The following SLC4A4 variants were observed in gnomAD, a reference collection of about 807,000 sequenced individuals.
SLC4A4 encodes the protein electrogenic sodium bicarbonate cotransporter 1.
In SLC4A4, 27 loss-of-function variants were observed where a neutral mutation model predicts 111.5. That is an observed-to-expected ratio of 0.24 (90% CI 0.18 to 0.33). The LOEUF (loss-of-function observed/expected upper bound fraction) is 0.33. Among genes scored for constraint, SLC4A4 ranks in the 10% least tolerant of loss-of-function variants. The probability of loss-of-function intolerance (pLI) is 1.00; values close to 1 mark genes in which losing one functional copy is unlikely to be tolerated. For missense variants in SLC4A4, 909 were observed against 1,315.5 expected (o/e 0.69, Z 4.78); for synonymous variants, 443 against 463.4 (o/e 0.96, Z 0.57).
intron 16 of SLC4A4, among the ~76,000 whole-genome samples, chr4:71,527,661 T>C (rs1033964207): frequency 6.6e-6 from 1 of 151,736 alleles, no homozygotes; most frequent in Non-Finnish European, 1.5e-5. Flanking sequence ...AGATTGAATT[T>C]ACTTGCCACC....
chr4:71,107,852 C>CA (rs1742984502), intron 2 of SLC4A4, among the ~76,000 whole-genome samples: 2 of 119,502 alleles, frequency 1.7e-5, no homozygotes, highest in African/African-American at 5.6e-5. Context: ...GGACTACAGG[C>CA]AAACACCACC....
intron 13 of SLC4A4, 25 bp downstream of exon 13, chr4:71,466,602 A>G: frequency 1.9e-6 from 3 of 1,608,630 alleles, no homozygotes; most frequent in Non-Finnish European, 2.6e-6. Context: ...ATTTAATTGC[A>G]AATTAGAATT....
At chr4:71,498,088 A>G (rs1006232907) in intron 16 of SLC4A4, among the ~76,000 whole-genome samples, 2 of 152,188 alleles carry the variant, frequency 1.3e-5, no homozygotes, top group African/African-American at 4.8e-5. Flanking sequence ...GCAGCTGTAC[A>G]TTTGAGTATT....
At chr4:71,409,733 C>A (rs1364119294) in intron 7 of SLC4A4, among the ~76,000 whole-genome samples, 1 of 152,196 alleles carries the variant, frequency 6.6e-6, no homozygotes, top group Non-Finnish European at 1.5e-5. Context: ...TGTTATTCCC[C>A]AAGACCATGG....
In SLC4A4 at chr4:71,177,086, T is replaced by G. The variant is rs190534630; in HGVS notation, c.-1-59490T>G. ...ACATATCCAGCCAAACTAAGCTTCATAATTGAAGGAGAAATAAAATCCTTT... is the reference window on the plus strand; with the variant it reads ...ACATATCCAGCCAAACTAAGCTTCAGAATTGAAGGAGAAATAAAATCCTTT... On this transcript the variant is annotated intron_variant, in intron 2 of 26. Coordinates refer to the SLC4A4 transcript ENST00000649996. Among the ~76,000 whole-genome samples, 5 of 152,192 alleles carry G rather than the reference T, an allele frequency of 3.3e-5. No homozygotes were observed. In the East Asian group the frequency reaches 9.7e-4, roughly 29 times the overall value.
At chr4:71,068,554 T>A (rs1262937074) in intron 1 of SLC4A4, among the ~76,000 whole-genome samples, 1 of 151,870 alleles carries the variant, frequency 6.6e-6, no homozygotes, top group Non-Finnish European at 1.5e-5. Context: ...GGCAACCTTT[T>A]TTTCTTTTTT....
chr4:71,121,169 G>A (rs1333243528), intron 2 of SLC4A4, among the ~76,000 whole-genome samples: 2 of 152,156 alleles, frequency 1.3e-5, no homozygotes, highest in African/African-American at 4.8e-5. Flanking sequence ...CCCACAGGGA[G>A]GTCTCAGGAC....
At chr4:71,108,174 A>G in intron 2 of SLC4A4, among the ~76,000 whole-genome samples, 1 of 152,226 alleles carries the variant, frequency 6.6e-6, no homozygotes, top group East Asian at 1.9e-4. Context: ...AATTATGTAG[A>G]AAACAAAATG....
intron 2 of SLC4A4, among the ~76,000 whole-genome samples, chr4:71,182,003 A>G (rs544765378): frequency 6.6e-6 from 1 of 152,218 alleles, no homozygotes; most frequent in South Asian, 2.1e-4. Context: ...CACCCTCTTC[A>G]TAGCATTTAT....
chr4:71,276,928 G>T (rs1166396472), intron 3 of SLC4A4, among the ~76,000 whole-genome samples: 1 of 151,924 alleles, frequency 6.6e-6, no homozygotes. Flanking sequence ...CACACCTGTG[G>T]TCCCAGCTAC....
intron 22 of SLC4A4, 123 bp from the exon 23 acceptor site, chr4:71,559,970 T>A: frequency 1.3e-6 from 1 of 755,366 alleles, no homozygotes. Flanking sequence ...AGATCAGGTC[T>A]GTCATACTCT....
rs1303772308 is a variant in SLC4A4, at chr4:71,570,222, C to T, written c.*2471C>T. 1.7e-5 allele frequency: 2 copies of T among 119,078 alleles called. No homozygotes were observed. Among genetic ancestry groups the T allele is most frequent in the Non-Finnish European group, 4.1e-5 (2 of 49,040 alleles). The allele number at this position is 119,078 out of a possible 1,614,324, so 7.4% of individuals were successfully genotyped here. A position where few individuals can be genotyped will look rare whatever the true frequency, so the allele number is the denominator to read the frequency against. On this transcript the variant is annotated 3_prime_UTR_variant, in exon 26 of 26. Transcript: ENST00000264485. ...TATACCTTTCAAAGAACTCCTGAAG[C>T]AACTTAACTCATCATTTCAGCCTCT...
upstream of SLC4A4, among the ~76,000 whole-genome samples, chr4:71,183,025 C>A (rs186682803): frequency 6.5e-4 from 99 of 152,116 alleles, no homozygotes; most frequent in Non-Finnish European, 1.8e-4. Flanking sequence ...TATGTTGATA[C>A]CATTTCTGAA....
chr4:71,438,603 C>CT, intron 7 of SLC4A4, among the ~76,000 whole-genome samples: 1 of 152,276 alleles, frequency 6.6e-6, no homozygotes, highest in Middle Eastern at 3.4e-3. Context: ...CAATTATCTG[C>CT]TTTTTTGAAG....
intron 1 of SLC4A4, among the ~76,000 whole-genome samples, chr4:71,217,110 C>A (rs1247240544): frequency 6.6e-6 from 1 of 152,116 alleles, no homozygotes; most frequent in South Asian, 2.1e-4. Context: ...GCAAGAAATA[C>A]CACTTTAGAT....
intron 2 of SLC4A4, among the ~76,000 whole-genome samples, chr4:71,144,439 TG>T: frequency 6.6e-6 from 1 of 152,336 alleles, no homozygotes; most frequent in South Asian, 2.1e-4. Context: ...GGCTCTTTTT[TG>T]GTTCCTTATG....
intron 14 of SLC4A4, among the ~76,000 whole-genome samples, chr4:71,483,001 GT>G (rs1309055774): frequency 1.3e-5 from 2 of 151,582 alleles, no homozygotes; most frequent in African/African-American, 4.8e-5. Context: ...GCTCTAGGAT[GT>G]TTTAAAATGA....
intron 15 of SLC4A4, among the ~76,000 whole-genome samples, chr4:71,487,811 G>A (rs1729557677): frequency 6.6e-6 from 1 of 151,534 alleles, no homozygotes; most frequent in African/African-American, 2.4e-5. Flanking sequence ...ATGATGTTTT[G>A]TATCTTTCCT....
chr4:71,174,957 T>C (rs1745043841), intron 2 of SLC4A4, among the ~76,000 whole-genome samples: 1 of 152,198 alleles, frequency 6.6e-6, no homozygotes, highest in African/African-American at 2.4e-5. Flanking sequence ...GCAAATACTT[T>C]TGGCACCGAA....
Sources: allele counts gnomAD v4.1 joint callset (sites outside exome capture counted in the v4.1 genomes callset), GRCh38; gene constraint gnomAD v4.1.1; transcripts MANE v1.5; gene names NCBI Gene and HGNC (gene_info 2026-07-23, HGNC 2026-07-21).